Variants in AMDHD2 observed in about 807,000 individuals in gnomAD.
AMDHD2 encodes N-acetylglucosamine-6-phosphate deacetylase.
A neutral mutation model predicts 41.8 loss-of-function variants in AMDHD2; 24 were observed. That is an observed-to-expected ratio of 0.57 (90% CI 0.42 to 0.81). The LOEUF (loss-of-function observed/expected upper bound fraction) is 0.81, where lower values mean the gene tolerates loss of function less well. Among genes scored for constraint, AMDHD2 ranks in the 30% least tolerant of loss-of-function variants. The pLI is 0.00. For synonymous variants in AMDHD2, 332 were observed against 255.5 expected (o/e 1.30, Z -2.85); for missense variants, 540 against 588.5 (o/e 0.92, Z 0.85).
Position 2,529,594 on chromosome 16 carries a change from G to A in AMDHD2, c.*31G>A, listed in dbSNP as rs369304363. On this transcript the variant is annotated 3_prime_UTR_variant, in exon 11 of 11. Transcript: ENST00000293971. ...ACCTCGGCTGAGAGGACACCTGGCC[G>A]CAGCGGGATGCCATCAGGGCCGGGT... 5.5e-5 allele frequency: 88 copies of A among 1,603,236 alleles called. No homozygotes were observed. In the African/African-American group the frequency reaches 8.5e-4, roughly 16 times the overall value.
At position 2,527,936 on chromosome 16, in the gene AMDHD2, C is replaced by T; in HGVS notation, c.579C>T (p.Ser193=). Residue 193 remains serine, a synonymous_variant, in exon 5 of 11, where the codon AGC becomes AGT. Coordinates refer to ENST00000293971, the MANE Select transcript of AMDHD2 (RefSeq NM_001330449.2). The surrounding 1 kb of genome is among the most constrained non-coding windows in gnomAD (Gnocchi z 6.1). The part of the protein sequence containing the change: ...IVTLAPELGR[S]HEVIRALTAR... Reference sequence around the variant, plus strand: ...CGCTGGCCCCAGAGTTGGGCCGTAGCCACGAAGTGATCCGGGCGCTGACGG... The same window carrying T: ...CGCTGGCCCCAGAGTTGGGCCGTAGTCACGAAGTGATCCGGGCGCTGACGG... The T allele has an allele frequency of 6.3e-7, 1 of 1,599,562 alleles. No homozygotes were observed.
Position 2,530,506 on chromosome 16 carries a change from C to T in AMDHD2, c.*943C>T. The T allele has an allele frequency of 6.2e-7, 1 of 1,614,114 alleles. No individual in the cohort carries two copies. Among genetic ancestry groups the T allele is most frequent in the South Asian group, 1.1e-5 (1 of 91,084 alleles). On this transcript the variant is annotated 3_prime_UTR_variant, in exon 11 of 11. Transcript: ENST00000293971. Reference sequence around the variant, plus strand: ...TCAGACGTCAGGGATTGGTGCAGCCCCACGTCAGGGGTGATTGTCTTGACT... The same window carrying T: ...TCAGACGTCAGGGATTGGTGCAGCCTCACGTCAGGGGTGATTGTCTTGACT...
chr16:2,521,699 C>T (rs559735848), intron 3 of AMDHD2, among the ~76,000 whole-genome samples: 7 of 151,214 alleles, frequency 4.6e-5, no homozygotes, highest in East Asian at 1.9e-4. Flanking sequence ...ATTCAGGCTC[C>T]TCTTGGCTGT....
At chr16:2,525,777 C>A (rs1424283857) in intron 3 of AMDHD2, among the ~76,000 whole-genome samples, 2 of 152,216 alleles carry the variant, frequency 1.3e-5, no homozygotes, top group East Asian at 3.8e-4. Flanking sequence ...ATCTCCTGAC[C>A]TCGTGATCCG....
chr16:2,529,477 T>G lies in AMDHD2; in HGVS notation c.1144T>G (p.Phe382Val). 18 of 1,610,454 alleles carry G rather than the reference T, an allele frequency of 1.1e-5. No individual in the cohort carries two copies. Among genetic ancestry groups the G allele is most frequent in the Non-Finnish European group, 1.5e-5 (18 of 1,179,940 alleles). Residue 382 changes from phenylalanine (F) to valine (V), a missense_variant and splice_region_variant, in exon 11 of 11, where the codon TTC becomes GTC. Coordinates refer to ENST00000293971, the MANE Select transcript of AMDHD2 (RefSeq NM_001330449.2). ...GTLDFGADADFVVLDDSLHVQ... is the reference protein window; with the variant it reads ...GTLDFGADADVVVLDDSLHVQ... ...CTCATTGCCCGGCTCTGTCCCAGAC[T>G]TCGTGGTGCTCGACGACTCCCTTCA...
In AMDHD2 at chr16:2,530,148, G is replaced by A. The variant is rs936812923; in HGVS notation, c.*585G>A. ...CTCTGACCTCCAGGAGGGAGACTGG[G>A]CCCGGGACCCCTGTTTTCTGCTCCC... On this transcript the variant is annotated 3_prime_UTR_variant, in exon 11 of 11. Coordinates refer to ENST00000293971, the MANE Select transcript of AMDHD2 (RefSeq NM_001330449.2). 9.2e-6 allele frequency: 13 copies of A among 1,415,090 alleles called. No homozygotes were observed. The highest frequency in any genetic ancestry group is 2.6e-5 in the Admixed American group (1 of 39,150). The allele number at this position is 1,415,090 out of a possible 1,614,324, so 87.7% of individuals were successfully genotyped here.
chr16:2,529,518 C>T lies in AMDHD2; in HGVS notation c.1185C>T (p.Tyr395=). The T allele has an allele frequency of 6.2e-7, 1 of 1,612,034 alleles. No individual in the cohort carries two copies. The highest frequency in any genetic ancestry group is 1.1e-5 in the South Asian group (1 of 91,086). ...ACTCCCTTCACGTCCAGGCCACCTA[C>T]ATCTCGGGTGAGCTGGTGTGGCAGG... The part of the protein sequence containing the change: ...LDDSLHVQAT[Y]ISGELVWQAD... The change falls in exon 11 of 11, where the codon TAC becomes TAT. Residue 395 remains tyrosine, a synonymous_variant. Coordinates refer to ENST00000293971, the MANE Select transcript of AMDHD2 (RefSeq NM_001330449.2).
rs2066091834 is a variant in AMDHD2 at position 2,531,210 on chromosome 16, TG to T, written c.*1649del. On this transcript the variant is annotated 3_prime_UTR_variant, in exon 11 of 11. Coordinates refer to ENST00000293971, the MANE Select transcript of AMDHD2 (RefSeq NM_001330449.2). The stretch of plus-strand genomic sequence containing the variant: ...CCGGCCAGCGCCCCACCTCCCTGGC[TG>T]GAGGGTCGGGGAGGGGCTGGCAGAG... The T allele has an allele frequency of 2.5e-6, 3 of 1,192,444 alleles. No individual in the cohort carries two copies. In the African/African-American group the frequency reaches 4.7e-5, roughly 19 times the overall value. The allele number at this position is 1,192,444 out of a possible 1,614,324, so 73.9% of individuals were successfully genotyped here.
chr16:2,529,495 T>A lies in AMDHD2; in HGVS notation c.1162T>A (p.Ser388Thr). Reference sequence around the variant, plus strand: ...CCCAGACTTCGTGGTGCTCGACGACTCCCTTCACGTCCAGGCCACCTACAT... The same window carrying A: ...CCCAGACTTCGTGGTGCTCGACGACACCCTTCACGTCCAGGCCACCTACAT... ...ADADFVVLDD[S>T]LHVQATYISG... Residue 388 changes from serine (S) to threonine (T), a missense_variant, in exon 11 of 11, where the codon TCC (serine) becomes ACC (threonine). Physicochemically the swap from Ser to Thr is moderately conservative, Grantham distance 58. Transcript: ENST00000293971. 1 of 1,611,452 alleles carries A rather than the reference T, an allele frequency of 6.2e-7. No individual in the cohort carries two copies. The highest frequency in any genetic ancestry group is 8.5e-7 in the Non-Finnish European group (1 of 1,179,966).
rs759506532 is a variant in AMDHD2, at chr16:2,530,220, C to T, written c.*657C>T. ...CCACGGATGACCAGCGTTCTGTTTT[C>T]TCTTCTCAATAACCCTATCTCTTCA... On this transcript the variant is annotated 3_prime_UTR_variant, in exon 11 of 11. Transcript: ENST00000293971. The T allele has an allele frequency of 1.9e-6, 3 of 1,552,526 alleles. No individual in the cohort carries two copies. Among genetic ancestry groups the T allele is most frequent in the African/African-American group, 2.7e-5 (2 of 73,736 alleles).
chr16:2,522,175 C>G (rs942382341), intron 3 of AMDHD2, among the ~76,000 whole-genome samples: 4 of 152,164 alleles, frequency 2.6e-5, no homozygotes, highest in African/African-American at 9.7e-5. Flanking sequence ...CCTCATTCTT[C>G]TCTGCTCAAG....
chr16:2,531,377 A>T lies in AMDHD2; in HGVS notation c.*1814A>T, dbSNP rs2066094785. ...CTTGGTTGGTTTTGGTTTGCTTTTT[A>T]AAAATTGTGGTAAAATACATAACAA... On this transcript the variant is annotated 3_prime_UTR_variant, in exon 11 of 11. Transcript: ENST00000293971. 2.0e-6 allele frequency: 1 copy of T among 504,572 alleles called. No individual in the cohort carries two copies. The highest frequency in any genetic ancestry group is 3.6e-6 in the Non-Finnish European group (1 of 276,486). The allele number at this position is 504,572 out of a possible 1,614,324, so 31.3% of individuals were successfully genotyped here.
chr16:2,530,739 C>T lies in AMDHD2; in HGVS notation c.*1176C>T. The T allele has an allele frequency of 6.2e-7, 1 of 1,613,844 alleles. No individual in the cohort carries two copies. The highest frequency in any genetic ancestry group is 8.5e-7 in the Non-Finnish European group (1 of 1,179,992). On this transcript the variant is annotated 3_prime_UTR_variant, in exon 11 of 11. Transcript: ENST00000293971. Reference sequence around the variant, plus strand: ...GGAACAGCCAGGGAAGAACCACCTGCCTGGGCAGGGCCTCGCCTGAGGGAG... The same window carrying T: ...GGAACAGCCAGGGAAGAACCACCTGTCTGGGCAGGGCCTCGCCTGAGGGAG...
At position 2,527,975 on chromosome 16, in the gene AMDHD2, C is replaced by G; in HGVS notation, c.618C>G (p.Cys206Trp). 1 of 1,605,182 alleles carries G rather than the reference C, an allele frequency of 6.2e-7. No homozygotes were observed. Residue 206 changes from cysteine (C) to tryptophan (W), a missense_variant, in exon 5 of 11, where the codon TGC becomes TGG. Transcript: ENST00000293971. This position sits in a 1 kb window ranked among gnomAD's most constrained non-coding sequence, Gnocchi z 6.1. ...GGGCGCTGACGGCCCGTGGCATCTG[C>G]GTGTCCCTAGGTGAGGGGCCGGCTC... ...VIRALTARGI[C>W]VSLGHSVADL...
rs954721634 is a variant in AMDHD2, at chr16:2,527,302, C to T, written c.361-259C>T. 3.3e-5 allele frequency among the ~76,000 whole-genome samples: 5 copies of T among 151,756 alleles called. No homozygotes were observed. The highest frequency in any genetic ancestry group is 5.9e-5 in the Non-Finnish European group (4 of 68,022). On this transcript the variant is annotated intron_variant, in intron 3 of 10. Transcript: ENST00000293971. The surrounding 1 kb of genome is among the most constrained non-coding windows in gnomAD (Gnocchi z 6.1). ...CTCCCTGGGCTGCTGTGCCCAGGGC[C>T]ACCCTCAGTGCCCACAAGCCTGCCC...
chr16:2,529,319 A>G lies in AMDHD2; in HGVS notation c.1142-156A>G, dbSNP rs531631927. On this transcript the variant is annotated intron_variant, in intron 10 of 10. Transcript: ENST00000293971. ...CAAGGGGTTGCAGGGAGCATTGTCC[A>G]GTACCTCTGTCCATCTGTGATGGGT... 14 of 1,266,532 alleles carry G rather than the reference A, an allele frequency of 1.1e-5. No individual in the cohort carries two copies. In the East Asian group the frequency reaches 2.9e-4, roughly 26 times the overall value. The allele number at this position is 1,266,532 out of a possible 1,614,324, so 78.5% of individuals were successfully genotyped here.
At chr16:2,526,063 T>C (rs1422316510) in intron 3 of AMDHD2, among the ~76,000 whole-genome samples, 1 of 152,220 alleles carries the variant, frequency 6.6e-6, no homozygotes, top group Non-Finnish European at 1.5e-5. Context: ...ATGGCCCTTT[T>C]CCCTGTCCAT....
rs747991027 is a variant in AMDHD2 at position 2,528,767 on chromosome 16, T to TCCCC, written c.1039+50_1039+53dup. ...GTTTAGGTGGTCTGTGAGTGGTGGGTCCCCAAGGGGCTGGACCGGGTGCCC... is the reference window on the plus strand; with the variant it reads ...GTTTAGGTGGTCTGTGAGTGGTGGGTCCCCCCCCAAGGGGCTGGACCGGGTGCCC... On this transcript the variant is annotated intron_variant, in intron 9 of 10. Transcript: ENST00000293971. 4.4e-4 allele frequency: 711 copies of TCCCC among 1,602,144 alleles called. 4 individuals carry two copies. The highest frequency in any genetic ancestry group is 6.7e-5 in the Non-Finnish European group (79 of 1,175,676).
chr16:2,523,003 C>T (rs991129945), intron 3 of AMDHD2, among the ~76,000 whole-genome samples: 1 of 151,796 alleles, frequency 6.6e-6, no homozygotes, highest in Non-Finnish European at 1.5e-5. Context: ...GCCACCATGC[C>T]CGGCTAATTT....
Sources: allele counts gnomAD v4.1 joint callset (sites outside exome capture counted in the v4.1 genomes callset), GRCh38; gene constraint gnomAD v4.1.1; non-coding constraint Gnocchi (gnomAD v3.1); transcripts MANE v1.5; gene names NCBI Gene and HGNC (gene_info 2026-07-23, HGNC 2026-07-21).